PTPRD: variants seen among roughly 807,000 people sequenced by gnomAD.
The protein encoded by PTPRD is protein tyrosine phosphatase receptor type D, also known as receptor-type tyrosine-protein phosphatase delta.
In PTPRD, 34 loss-of-function variants were observed where a neutral mutation model predicts 214.5. The observed-to-expected ratio is 0.16, with a 90% CI of 0.12 to 0.21. The LOEUF is 0.21. Ranked by LOEUF, PTPRD falls within the 10% of genes least tolerant of loss-of-function variation. The pLI is 1.00. For missense variants in PTPRD, 2,545 were observed against 2,398.7 expected, an observed-to-expected ratio of 1.06 and a Z score of -1.27; for synonymous variants, 1,128 against 845.7, an observed-to-expected ratio of 1.33 and a Z score of -5.79.
At chr9:10,537,081 CT>C (rs1185536781) in intron 2 of PTPRD, among the ~76,000 whole-genome samples, 1 of 152,006 alleles carries the variant, frequency 6.6e-6, no homozygotes. Flanking sequence ...GCATTTGCTC[CT>C]TTTTAGAGAT....
chr9:8,498,358 C>T (rs1309294410), intron 25 of PTPRD, among the ~76,000 whole-genome samples: 1 of 152,162 alleles, frequency 6.6e-6, no homozygotes, highest in Non-Finnish European at 1.5e-5. Context: ...TCACTGCAAA[C>T]TCCACCTCCT....
chr9:8,406,702 TATAAC>T (rs2093015971), intron 35 of PTPRD, among the ~76,000 whole-genome samples: 1 of 152,230 alleles, frequency 6.6e-6, no homozygotes, highest in Non-Finnish European at 1.5e-5. Context: ...AATTCCTCTA[TATAAC>T]ATGAGAGTTA....
At chr9:9,617,727 C>T (rs1313107947) in intron 7 of PTPRD, among the ~76,000 whole-genome samples, 1 of 151,958 alleles carries the variant, frequency 6.6e-6, no homozygotes, top group Non-Finnish European at 1.5e-5. Flanking sequence ...TGAGGGTGTC[C>T]TCTAAGCCTT....
At chr9:9,550,876 T>C (rs1310761453) in intron 8 of PTPRD, among the ~76,000 whole-genome samples, 2 of 151,846 alleles carry the variant, frequency 1.3e-5, no homozygotes, top group African/African-American at 4.8e-5. Context: ...TCAATGTAAA[T>C]TAAAATCACA....
intron 5 of PTPRD, among the ~76,000 whole-genome samples, chr9:9,924,355 A>G (rs1438006462): frequency 6.6e-6 from 1 of 152,094 alleles, no homozygotes; most frequent in East Asian, 1.9e-4. Flanking sequence ...GAACAGGACT[A>G]TAGCATAGAG....
chr9:9,922,739 A>G (rs1339636253), intron 5 of PTPRD, among the ~76,000 whole-genome samples: 2 of 151,928 alleles, frequency 1.3e-5, no homozygotes, highest in African/African-American at 4.8e-5. Flanking sequence ...GACAAACCAA[A>G]AACAAGAACA....
chr9:9,246,999 C>CA (rs56168866), intron 9 of PTPRD, among the ~76,000 whole-genome samples: 1 of 151,520 alleles, frequency 6.6e-6, no homozygotes, highest in Non-Finnish European at 1.5e-5. Context: ...TCATTTTCCC[C>CA]GAGTGACTCA....
intron 12 of PTPRD, among the ~76,000 whole-genome samples, chr9:8,714,714 T>C (rs1338892201): frequency 6.6e-6 from 1 of 152,110 alleles, no homozygotes; most frequent in Non-Finnish European, 1.5e-5. Context: ...TAAATGTCAC[T>C]TTCTCACTGA....
At chr9:9,277,561 T>G (rs1946146091) in intron 9 of PTPRD, among the ~76,000 whole-genome samples, 1 of 151,350 alleles carries the variant, frequency 6.6e-6, no homozygotes, top group Non-Finnish European at 1.5e-5. Context: ...TACCCAAATA[T>G]TAAACAATTT....
At chr9:8,840,932 A>G (rs1443253864) in intron 11 of PTPRD, among the ~76,000 whole-genome samples, 1 of 152,190 alleles carries the variant, frequency 6.6e-6, no homozygotes, top group East Asian at 1.9e-4. Flanking sequence ...AACAAAGGTC[A>G]GTGTCATGTG....
Position 8,314,426 on chromosome 9 carries a change from T to C in PTPRD, c.*3448A>G. On this transcript the variant is annotated 3_prime_UTR_variant, in exon 46 of 46. Transcript: ENST00000381196. The stretch of plus-strand genomic sequence containing the variant: ...TACTAATTAGAGGTAATTGTATTTT[T>C]TAACAAGCCATTTTACAAGTTATTT... 1 of 230,972 alleles carries C rather than the reference T, an allele frequency of 4.3e-6. No homozygotes were observed. The highest frequency in any genetic ancestry group is 8.6e-6 in the Non-Finnish European group (1 of 116,264). 14.3% of individuals were successfully genotyped at this position (230,972 alleles called of 1,614,324 possible). A position where few individuals can be genotyped will look rare whatever the true frequency, so the allele number is the denominator to read the frequency against.
intron 5 of PTPRD, among the ~76,000 whole-genome samples, chr9:9,919,580 A>C (rs1463578835): frequency 6.6e-6 from 1 of 152,210 alleles, no homozygotes; most frequent in African/African-American, 2.4e-5. Context: ...CTCCCCTATC[A>C]GCACAAATGA....
At chr9:10,125,423 TTTATTATTA>T (rs71485319) in intron 3 of PTPRD, among the ~76,000 whole-genome samples, 2,796 of 133,484 alleles carry the variant, frequency 0.021, 67 homozygotes, top group African/African-American at 0.067. Context: ...TTTGTTTTAT[TTTATTATTA>T]TTATTATTAT....
At chr9:9,168,523 G>T (rs1400129645) in intron 10 of PTPRD, among the ~76,000 whole-genome samples, 1 of 151,934 alleles carries the variant, frequency 6.6e-6, no homozygotes, top group East Asian at 1.9e-4. Context: ...TATACATTTT[G>T]CAGGTTGTCT....
chr9:9,498,927 G>A (rs1487079136), intron 8 of PTPRD, among the ~76,000 whole-genome samples: 1 of 151,112 alleles, frequency 6.6e-6, no homozygotes, highest in Admixed American at 6.6e-5. Context: ...AAAGAGTTTA[G>A]GCTTATTTTT....
intron 14 of PTPRD, among the ~76,000 whole-genome samples, chr9:8,538,848 A>G (rs2077625731): frequency 6.6e-6 from 1 of 151,916 alleles, no homozygotes; most frequent in Admixed American, 6.6e-5. Flanking sequence ...ACCATTCTCC[A>G]GTTGAAAGGA....
At chr9:8,900,695 C>A (rs2098661112) in intron 11 of PTPRD, among the ~76,000 whole-genome samples, 1 of 152,116 alleles carries the variant, frequency 6.6e-6, no homozygotes, top group South Asian at 2.1e-4. Context: ...TCTGTAGAAT[C>A]TTCAAAATGC....
chr9:10,380,184 A>C (rs1467171845), intron 2 of PTPRD, among the ~76,000 whole-genome samples: 6 of 152,114 alleles, frequency 3.9e-5, no homozygotes, highest in African/African-American at 1.4e-4. Flanking sequence ...TTCAAAGAGA[A>C]CCAAAAAGAA....
intron 3 of PTPRD, among the ~76,000 whole-genome samples, chr9:10,141,412 A>G (rs1439011610): frequency 1.3e-5 from 2 of 152,162 alleles, no homozygotes; most frequent in East Asian, 3.9e-4. Context: ...GTCTCAGGAT[A>G]CAAAATCAAT....
Sources: gnomAD v4.1 joint callset for allele counts (sites outside exome capture counted in the v4.1 genomes callset) on GRCh38, gnomAD v4.1.1 for gene constraint, MANE v1.5 for transcripts, NCBI Gene and HGNC (gene_info 2026-07-23, HGNC 2026-07-21) for gene names.